Variants in KCNQ5 observed in about 807,000 individuals in gnomAD.
KCNQ5 encodes the protein potassium voltage-gated channel subfamily Q member 5.
KCNQ5 carries 30 observed loss-of-function variants against 98.2 expected under a neutral mutation model. The ratio of observed to expected loss-of-function variants is 0.31; its 90% CI spans 0.23 to 0.41. KCNQ5 has a LOEUF of 0.41. KCNQ5 is among the 10% of genes least tolerant of loss of function. The pLI is 1.00. For synonymous variants in KCNQ5, 458 were observed against 449.4 expected, an observed-to-expected ratio of 1.02 and a Z score of -0.24; for missense variants, 835 against 1,182.5, an observed-to-expected ratio of 0.71 and a Z score of 4.31.
intron 2 of KCNQ5, among the ~76,000 whole-genome samples, chr6:73,009,216 T>C (rs1473560825): frequency 6.6e-6 from 1 of 152,122 alleles, no homozygotes; most frequent in Non-Finnish European, 1.5e-5. Context: ...GGTCTTGAAC[T>C]CCTGACCTCA....
At chr6:72,857,688 A>C (rs915829856) in intron 1 of KCNQ5, among the ~76,000 whole-genome samples, 6 of 152,200 alleles carry the variant, frequency 3.9e-5, no homozygotes, top group South Asian at 4.1e-4. Flanking sequence ...TTGTTGACCC[A>C]GTATGTTGAT....
intron 1 of KCNQ5, among the ~76,000 whole-genome samples, chr6:72,814,847 CACTT>C (rs1444905080): frequency 1.3e-5 from 2 of 152,200 alleles, no homozygotes; most frequent in African/African-American, 4.8e-5. Context: ...AGAATACCCT[CACTT>C]AGAGTTTTAA....
intron 1 of KCNQ5, among the ~76,000 whole-genome samples, chr6:72,882,420 A>G (rs1243650655): frequency 1.3e-5 from 2 of 152,150 alleles, no homozygotes; most frequent in African/African-American, 4.8e-5. Flanking sequence ...ACTCTTTATA[A>G]AAGGCCTGAA....
chr6:72,671,472 C>T (rs1453272602), intron 1 of KCNQ5, among the ~76,000 whole-genome samples: 1 of 152,132 alleles, frequency 6.6e-6, no homozygotes, highest in Admixed American at 6.5e-5. Context: ...AAACCACATA[C>T]CTTTGTGGTT....
intron 2 of KCNQ5, among the ~76,000 whole-genome samples, chr6:73,025,540 CTT>C (rs1415072208): frequency 1.3e-5 from 2 of 149,450 alleles, no homozygotes; most frequent in African/African-American, 2.5e-5. Context: ...AGGAGAATCA[CTT>C]GAGCCGGGAG....
intron 1 of KCNQ5, among the ~76,000 whole-genome samples, chr6:72,970,811 A>G (rs1197017985): frequency 6.6e-6 from 1 of 152,200 alleles, no homozygotes; most frequent in African/African-American, 2.4e-5. Context: ...GAAAGCTGAA[A>G]CTGGATCCCT....
chr6:72,645,728 GCAT>G (rs1159136485), intron 1 of KCNQ5, among the ~76,000 whole-genome samples: 1 of 152,068 alleles, frequency 6.6e-6, no homozygotes, highest in South Asian at 2.1e-4. Context: ...AGACTCAAGA[GCAT>G]TCAGTTGTGG....
chr6:72,880,245 C>A (rs1327409267), intron 1 of KCNQ5, among the ~76,000 whole-genome samples: 1 of 152,204 alleles, frequency 6.6e-6, no homozygotes, highest in Non-Finnish European at 1.5e-5. Context: ...TTATTTCTCA[C>A]AGTTTTAAAC....
At chr6:73,152,509 T>TGGATAGA (rs747968777) in intron 10 of KCNQ5, among the ~76,000 whole-genome samples, 12 of 152,306 alleles carry the variant, frequency 7.9e-5, no homozygotes, top group Non-Finnish European at 1.8e-4. Flanking sequence ...TTTTGTTGCA[T>TGGATAGA]GGATAGAGTA....
At chr6:73,056,401 TAA>T (rs35917327) in intron 3 of KCNQ5, among the ~76,000 whole-genome samples, 159 of 147,624 alleles carry the variant, frequency 1.1e-3, no homozygotes, top group African/African-American at 3.2e-3. Context: ...TACTTTTATT[TAA>T]AAAAAAAAAA....
At chr6:72,815,591 G>A (rs1194251193) in intron 1 of KCNQ5, among the ~76,000 whole-genome samples, 1 of 152,190 alleles carries the variant, frequency 6.6e-6, no homozygotes, top group Non-Finnish European at 1.5e-5. Context: ...GCTAAGCTTA[G>A]ATATTTGAAC....
intron 1 of KCNQ5, among the ~76,000 whole-genome samples, chr6:72,936,321 C>T (rs1421614880): frequency 6.6e-6 from 1 of 152,132 alleles, no homozygotes; most frequent in Non-Finnish European, 1.5e-5. Flanking sequence ...TTTCTTGTGC[C>T]TGATCTACTT....
chr6:72,870,808 C>T (rs1778173890), intron 1 of KCNQ5, among the ~76,000 whole-genome samples: 1 of 152,062 alleles, frequency 6.6e-6, no homozygotes, highest in Non-Finnish European at 1.5e-5. Flanking sequence ...TCCAGTAATG[C>T]AGATTTCTTA....
intron 1 of KCNQ5, among the ~76,000 whole-genome samples, chr6:72,995,133 C>T (rs1392378337): frequency 1.3e-5 from 2 of 152,052 alleles, no homozygotes; most frequent in South Asian, 2.1e-4. Flanking sequence ...CTTTGGGAAG[C>T]CAAGGCGAGT....
chr6:73,190,692 G>A lies in KCNQ5; in HGVS notation c.1697G>A (p.Ser566Asn), dbSNP rs1300047060. 1 of 1,574,918 alleles carries A rather than the reference G, an allele frequency of 6.3e-7. No individual in the cohort carries two copies. The highest frequency in any genetic ancestry group is 8.6e-7 in the Non-Finnish European group (1 of 1,158,970). ...CTGGACATGTTGTGTAGAATTAAAA[G>A]CCTTCAAACACGGTAAGCAATGGAA... ...GHLDMLCRIK[S>N]LQTRVDQILG... Residue 566 changes from serine (S) to asparagine (N), a missense_variant, in exon 12 of 14, where the codon AGC becomes AAC. Coordinates refer to ENST00000370398, the MANE Select transcript of KCNQ5 (RefSeq NM_019842.4).
intron 10 of KCNQ5, among the ~76,000 whole-genome samples, chr6:73,166,344 G>T (rs1777793904): frequency 6.6e-6 from 1 of 151,826 alleles, no homozygotes; most frequent in Non-Finnish European, 1.5e-5. Context: ...GCTGAGGCAG[G>T]AGAATGGCGT....
chr6:72,907,825 G>C (rs1425645160), intron 1 of KCNQ5, among the ~76,000 whole-genome samples: 1 of 152,054 alleles, frequency 6.6e-6, no homozygotes, highest in Non-Finnish European at 1.5e-5. Context: ...TTTTATAAAA[G>C]TGAGTTTGGG....
rs1345756354 is a variant in KCNQ5 at position 72,964,935 on chromosome 6, CT to C, written c.399-38966del. Among the ~76,000 whole-genome samples, 23 of 107,614 alleles carry C rather than the reference CT, an allele frequency of 2.1e-4. No individual in the cohort carries two copies. In the East Asian group the frequency reaches 3.8e-3, roughly 18 times the overall value. 70.6% of individuals were successfully genotyped at this position (107,614 alleles called of 152,430 possible). A position where few individuals can be genotyped will look rare whatever the true frequency, so the allele number is the denominator to read the frequency against. On this transcript the variant is annotated intron_variant, in intron 1 of 13. Coordinates refer to ENST00000370398, the MANE Select transcript of KCNQ5 (RefSeq NM_019842.4). Reference sequence around the variant, plus strand: ...TTCTGCTGTTTTTCACATTTTCGTGCTTTTTTTAAAAAAAAATTCTTTTTTG... The same window carrying C: ...TTCTGCTGTTTTTCACATTTTCGTGCTTTTTTAAAAAAAAATTCTTTTTTG...
chr6:72,659,905 C>G (rs953760585), intron 1 of KCNQ5, among the ~76,000 whole-genome samples: 1 of 152,130 alleles, frequency 6.6e-6, no homozygotes, highest in Non-Finnish European at 1.5e-5. Flanking sequence ...ATAAAATAAT[C>G]CTTCATGATA....
Sources: allele counts gnomAD v4.1 joint callset (sites outside exome capture counted in the v4.1 genomes callset), GRCh38; gene constraint gnomAD v4.1.1; transcripts MANE v1.5; gene names NCBI Gene and HGNC (gene_info 2026-07-23, HGNC 2026-07-21).